RNF125: variants seen among roughly 807,000 people sequenced by gnomAD.
RNF125 encodes E3 ubiquitin-protein ligase RNF125.
RNF125 carries 21 observed loss-of-function variants against 26.0 expected under a neutral mutation model. That is an observed-to-expected ratio of 0.81 (90% CI 0.57 to 1.16). The LOEUF is 1.16. RNF125 is among the 50% of genes most tolerant of loss of function. The probability of loss-of-function intolerance (pLI) is 0.00; values close to 1 mark genes in which losing one functional copy is unlikely to be tolerated. For missense variants in RNF125, 270 were observed against 299.4 expected (o/e 0.90, Z 0.72); for synonymous variants, 95 against 109.2 (o/e 0.87, Z 0.81).
intron 1 of RNF125, among the ~76,000 whole-genome samples, chr18:32,020,014 G>C (rs1302185516): frequency 3.1e-5 from 1 of 32,312 alleles, no homozygotes; most frequent in African/African-American, 1.1e-4. Flanking sequence ...GTGTGTGTGT[G>C]TGTGTGTGTG....
chr18:32,074,459 G>A (rs1224732588), downstream of RNF125, among the ~76,000 whole-genome samples: 1 of 152,206 alleles, frequency 6.6e-6, no homozygotes. Context: ...AATATGTGTG[G>A]AAAGGAGGGG....
Position 32,041,620 on chromosome 18 carries a change from C to CTTTTTTTTTTTTTTTTTTTTTTTTTT in RNF125, c.319-556_319-531dup, listed in dbSNP as rs60264747. On this transcript the variant is annotated intron_variant, in intron 2 of 5. Transcript: ENST00000217740. The stretch of plus-strand genomic sequence containing the variant: ...CTATCTACTTTAAAAAATGTAGATG[C>CTTTTTTTTTTTTTTTTTTTTTTTTTT]TTTTTTTTTTTTTTTTTTTTTTTTT... Among the ~76,000 whole-genome samples, 2 of 93,280 alleles carry CTTTTTTTTTTTTTTTTTTTTTTTTTT rather than the reference C, an allele frequency of 2.1e-5. 1 individual carries two copies. The highest frequency in any genetic ancestry group is 7.9e-5 in the African/African-American group (2 of 25,424). 61.2% of individuals were successfully genotyped at this position (93,280 alleles called of 152,430 possible).
intron 4 of RNF125, among the ~76,000 whole-genome samples, chr18:32,050,835 G>GC (rs1555693379): frequency 1.6e-5 from 2 of 124,452 alleles, no homozygotes; most frequent in Admixed American, 8.6e-5. Flanking sequence ...CAAGAACCTT[G>GC]CCCTCCAGCT....
At chr18:32,090,156 G>C in the RNF125 span, among the ~76,000 whole-genome samples, 3 of 152,370 alleles carry the variant, frequency 2.0e-5, no homozygotes, top group East Asian at 5.8e-4. Context: ...TGAGGCAGGA[G>C]AGTTGCTTCA....
chr18:32,030,844 C>T (rs561613438), intron 1 of RNF125, among the ~76,000 whole-genome samples: 8 of 152,262 alleles, frequency 5.3e-5, no homozygotes, highest in South Asian at 2.1e-4. Flanking sequence ...GGAAAATGCA[C>T]GTGAGAGAGC....
chr18:32,057,600 G>A (rs2039398087), intron 4 of RNF125, among the ~76,000 whole-genome samples: 1 of 152,038 alleles, frequency 6.6e-6, no homozygotes, highest in Admixed American at 6.6e-5. Context: ...CTCCCAAAAT[G>A]CTGGGATTAC....
At chr18:32,036,415 C>T (rs932025198) in intron 1 of RNF125, among the ~76,000 whole-genome samples, 1 of 151,370 alleles carries the variant, frequency 6.6e-6, no homozygotes. Context: ...TATAAATTAC[C>T]CAAATGCTCA....
At chr18:32,086,358 T>G in the RNF125 span, among the ~76,000 whole-genome samples, 41 of 145,232 alleles carry the variant, frequency 2.8e-4, no homozygotes, top group Non-Finnish European at 4.9e-4. Flanking sequence ...TATTTGTGTT[T>G]TTTTTTTTTT....
chr18:32,077,652 C>T (rs1386740273), downstream of RNF125, among the ~76,000 whole-genome samples: 4 of 151,524 alleles, frequency 2.6e-5, no homozygotes, highest in South Asian at 2.1e-4. Context: ...TGAGCCACCT[C>T]GCCGGGCCGT....
chr18:32,085,371 AGCAGAG>A, the RNF125 span, among the ~76,000 whole-genome samples: 1,409 of 103,430 alleles, frequency 0.014, 26 homozygotes, highest in African/African-American at 0.053. Flanking sequence ...CACTGCCAGA[AGCAGAG>A]AGAGAGAGAG....
Position 32,018,995 on chromosome 18 carries a change from AC to A in RNF125, c.133del (p.His45ThrfsTer21). ...ACTGCGCCGTGTGCCTTGAGGTGTT[AC>A]ACCAGCCTGTCCGGACCCGCTGTGG... Reference protein sequence around the residue: ...FDCAVCLEVLHQPVRTRCGHV... With the variant: ...FDCAVCLEVLXQPVRTRCGHV... On this transcript the variant is annotated frameshift_variant, in exon 1 of 6. Transcript: ENST00000217740. LOFTEE classifies it high-confidence loss of function. 6.2e-7 allele frequency: 1 copy of A among 1,613,462 alleles called. No homozygotes were observed.
chr18:32,049,584 G>A (rs2039304398), intron 4 of RNF125, among the ~76,000 whole-genome samples: 1 of 151,400 alleles, frequency 6.6e-6, no homozygotes, highest in East Asian at 1.9e-4. Context: ...TGGGGTGGTG[G>A]TGTGAGTCGG....
At chr18:32,087,722 A>G in the RNF125 span, among the ~76,000 whole-genome samples, 1 of 152,262 alleles carries the variant, frequency 6.6e-6, no homozygotes, top group East Asian at 1.9e-4. Context: ...AGTTCCAGGA[A>G]TGCCCCTAAG....
At chr18:32,058,354 T>C (rs1313353877) in intron 4 of RNF125, among the ~76,000 whole-genome samples, 1 of 148,670 alleles carries the variant, frequency 6.7e-6, no homozygotes, top group African/African-American at 2.5e-5. Context: ...AATTATACTC[T>C]TTTTTTTTTG....
At chr18:32,037,021 G>T (rs549434363) in intron 1 of RNF125, 95 bp from the exon 2 acceptor site, 4 of 1,112,340 alleles carry the variant, frequency 3.6e-6, no homozygotes, top group Non-Finnish European at 2.6e-6. Flanking sequence ...GGGGTACGAG[G>T]TGTCATTAAA....
downstream of RNF125, among the ~76,000 whole-genome samples, chr18:32,074,809 C>T (rs2039558874): frequency 1.3e-5 from 2 of 152,226 alleles, no homozygotes; most frequent in African/African-American, 4.8e-5. Flanking sequence ...TCCCAAAGTG[C>T]TGGGATTACA....
chr18:32,085,537 T>TA, the RNF125 span, among the ~76,000 whole-genome samples: 1 of 151,412 alleles, frequency 6.6e-6, no homozygotes, highest in Non-Finnish European at 1.5e-5. Context: ...CCATTTCTAC[T>TA]AAAAATACAA....
intron 1 of RNF125, among the ~76,000 whole-genome samples, chr18:32,031,938 T>C (rs2039101063): frequency 6.6e-6 from 1 of 152,034 alleles, no homozygotes; most frequent in African/African-American, 2.4e-5. Flanking sequence ...GTCTTGCTGT[T>C]GCCCAGGCTG....
chr18:32,037,364 C>CTTTTTTT (rs796828237), intron 2 of RNF125, 95 bp downstream of exon 2: 37 of 132,870 alleles, frequency 2.8e-4, no homozygotes, highest in African/African-American at 5.6e-4. Context: ...TGGTACGCAC[C>CTTTTTTT]TTTTTTTTTT....
Sources: gnomAD v4.1 joint callset for allele counts (sites outside exome capture counted in the v4.1 genomes callset) on GRCh38, gnomAD v4.1.1 for gene constraint, MANE v1.5 for transcripts, NCBI Gene and HGNC (gene_info 2026-07-23, HGNC 2026-07-21) for gene names.